The following MGAT5B variants were observed in gnomAD, a reference collection of about 807,000 sequenced individuals.
MGAT5B encodes N-acetylglucosaminyl-transferase Vb.
Under a neutral mutation model 95.1 loss-of-function variants are expected in MGAT5B, and 54 were observed. That is an observed-to-expected ratio of 0.57 (90% CI 0.46 to 0.71). The LOEUF (loss-of-function observed/expected upper bound fraction) is 0.71. Ranked by LOEUF, MGAT5B falls within the 30% of genes least tolerant of loss-of-function variation. MGAT5B has a pLI of 0.00. For missense variants in MGAT5B, 935 were observed against 1,088.6 expected (o/e 0.86, Z 1.99); for synonymous variants, 464 against 451.0 (o/e 1.03, Z -0.36).
intron 3 of MGAT5B, among the ~76,000 whole-genome samples, chr17:76,892,267 C>T (rs1394633248): frequency 2.0e-5 from 3 of 152,188 alleles, no homozygotes; most frequent in Non-Finnish European, 2.9e-5. Flanking sequence ...AGGCTGGTCT[C>T]GAACACCTGA....
rs1344768693 is a variant in MGAT5B at position 76,912,371 on chromosome 17, T to C, written c.1025+6184T>C. Among the ~76,000 whole-genome samples the C allele has an allele frequency of 1.3e-5, 2 of 152,182 alleles. No individual in the cohort carries two copies. The highest frequency in any genetic ancestry group is 2.9e-5 in the Non-Finnish European group (2 of 68,014). ...CACCTCTCAGCCCTGGGAGCCGTTC[T>C]GTGGGAGCAGCACCAGGTTAATTTG... On this transcript the variant is annotated intron_variant, in intron 8 of 17. Coordinates refer to ENST00000569840, the MANE Select transcript of MGAT5B (RefSeq NM_001199172.2). This position sits in a 1 kb window ranked among gnomAD's most constrained non-coding sequence, Gnocchi z 5.0.
intron 6 of MGAT5B, 100 bp downstream of exon 6, chr17:76,904,522 C>T: frequency 7.4e-7 from 1 of 1,345,540 alleles, no homozygotes; most frequent in Non-Finnish European, 1.0e-6. Context: ...TGAGACTGAG[C>T]TGCTTGCCAG....
At chr17:76,887,035 G>A (rs566182716) in intron 3 of MGAT5B, among the ~76,000 whole-genome samples, 1 of 86,202 alleles carries the variant, frequency 1.2e-5, no homozygotes, top group South Asian at 4.9e-4. Context: ...CAGAGTGAGA[G>A]TCTGTCTCAC....
At chr17:76,926,521 C>G (rs1002441341) in intron 9 of MGAT5B, 76 bp from the exon 10 acceptor site, 22 of 1,454,740 alleles carry the variant, frequency 1.5e-5, no homozygotes, top group Non-Finnish European at 1.9e-6. Flanking sequence ...TGACAGTGCT[C>G]GTGGCTGGGG....
chr17:76,905,415 C>A lies in MGAT5B; in HGVS notation c.855+82C>A. On this transcript the variant is annotated intron_variant, in intron 7 of 17. Transcript: ENST00000569840. The surrounding 1 kb of genome is among the most constrained non-coding windows in gnomAD (Gnocchi z 4.2). ...TCTGAGTGGGCATGGAATAGGTCTTCAAACAAGCTGTAGTGGGCTTCTGAA... is the reference window on the plus strand; with the variant it reads ...TCTGAGTGGGCATGGAATAGGTCTTAAAACAAGCTGTAGTGGGCTTCTGAA... 1 of 1,255,486 alleles carries A rather than the reference C, an allele frequency of 8.0e-7. No individual in the cohort carries two copies. 77.8% of individuals were successfully genotyped at this position (1,255,486 alleles called of 1,614,324 possible).
chr17:76,904,154 T>C (rs1436190540), intron 5 of MGAT5B, 98 bp from the exon 6 acceptor site: 1 of 1,271,466 alleles, frequency 7.9e-7, no homozygotes, highest in African/African-American at 1.5e-5. Context: ...ATGGGCCCCA[T>C]CCTTGACCTC....
rs558501461 is a variant in MGAT5B at position 76,917,417 on chromosome 17, C to T, written c.1026-7549C>T. Among the ~76,000 whole-genome samples the T allele has an allele frequency of 9.2e-5, 14 of 151,832 alleles. No homozygotes were observed. In the East Asian group the frequency reaches 1.7e-3, roughly 19 times the overall value. On this transcript the variant is annotated intron_variant, in intron 8 of 17. Coordinates refer to ENST00000569840, the MANE Select transcript of MGAT5B (RefSeq NM_001199172.2). This position sits in a 1 kb window ranked among gnomAD's most constrained non-coding sequence, Gnocchi z 6.1. ...CACTTTGAAGGATCAGCAGTTTGAC[C>T]GTGGGCTGAGTCACTTGTCATAAGT...
chr17:76,925,240 CCCCT>C (rs1969270100), intron 9 of MGAT5B, 143 bp downstream of exon 9: 1 of 18,574 alleles, frequency 5.4e-5, no homozygotes, highest in Non-Finnish European at 9.8e-5. Flanking sequence ...CCTCCGCCCT[CCCCT>C]CCCCTCCCCT....
At position 76,940,546 on chromosome 17, in the gene MGAT5B, G is replaced by A; in HGVS notation, c.1729G>A (p.Glu577Lys). The change falls in exon 14 of 18, where the codon GAG (glutamate) becomes AAG (lysine). Residue 577 changes from glutamate (E) to lysine (K), a missense_variant and splice_region_variant. Physicochemically the swap from Glu to Lys is moderately conservative, Grantham distance 56. This residue lies in a region of MGAT5B where 440 missense variants were observed against 523.6 expected (regional missense o/e 0.84). Coordinates refer to ENST00000569840, the MANE Select transcript of MGAT5B (RefSeq NM_001199172.2). This position sits in a 1 kb window ranked among gnomAD's most constrained non-coding sequence, Gnocchi z 4.3. ...EFFRGKPTSR[E>K]VFSQHPYAEN... ...CTTCCGAGGCAAGCCCACCTCCAGA[G>A]AGGTGAGTGGAAAGCATCCTGGTCC... The A allele has an allele frequency of 1.2e-6, 2 of 1,607,756 alleles. No homozygotes were observed.
chr17:76,869,299 G>T lies in MGAT5B; in HGVS notation c.68+202G>T, dbSNP rs991547875. 6.6e-6 allele frequency among the ~76,000 whole-genome samples: 1 copy of T among 152,012 alleles called. No homozygotes were observed. The highest frequency in any genetic ancestry group is 1.5e-5 in the Non-Finnish European group (1 of 67,976). On this transcript the variant is annotated intron_variant, in intron 1 of 17. Coordinates refer to ENST00000569840, the MANE Select transcript of MGAT5B (RefSeq NM_001199172.2). The surrounding 1 kb of genome is among the most constrained non-coding windows in gnomAD (Gnocchi z 7.0). Reference sequence around the variant, plus strand: ...GGATGGGGAGGGTTGTGTTATTCGGGGACCTGTCCCGAGTTGGGCAGGGTT... The same window carrying T: ...GGATGGGGAGGGTTGTGTTATTCGGTGACCTGTCCCGAGTTGGGCAGGGTT...
intron 3 of MGAT5B, among the ~76,000 whole-genome samples, chr17:76,891,391 G>A (rs1967863382): frequency 6.6e-6 from 1 of 151,324 alleles, no homozygotes; most frequent in South Asian, 2.1e-4. Flanking sequence ...TTTCTTTTTT[G>A]TTTCTGGAGA....
chr17:76,904,530 C>A, intron 6 of MGAT5B, 108 bp downstream of exon 6: 1 of 1,300,384 alleles, frequency 7.7e-7, no homozygotes, highest in Non-Finnish European at 1.0e-6. Flanking sequence ...AGCTGCTTGC[C>A]AGGTGTGTGG....
Position 76,905,282 on chromosome 17 carries a change from T to G in MGAT5B, c.804T>G (p.Ala268=), listed in dbSNP as rs1333836358. The change falls in exon 7 of 18, where the codon GCT becomes GCG. Residue 268 remains alanine (A), a synonymous_variant. Coordinates refer to ENST00000569840, the MANE Select transcript of MGAT5B (RefSeq NM_001199172.2). The surrounding 1 kb of genome is among the most constrained non-coding windows in gnomAD (Gnocchi z 4.2). ...TKRLTAQWAL[A]AQRLAQKLGA... is the part of the protein sequence containing the mutation. ...GGCTCACAGCCCAGTGGGCGCTGGCTGCCCAGCGCCTGGCACAGAAGCTGG... is the reference window on the plus strand; with the variant it reads ...GGCTCACAGCCCAGTGGGCGCTGGCGGCCCAGCGCCTGGCACAGAAGCTGG... 1 of 1,609,946 alleles carries G rather than the reference T, an allele frequency of 6.2e-7. No individual in the cohort carries two copies. The highest frequency in any genetic ancestry group is 1.3e-5 in the African/African-American group (1 of 74,990).
intron 8 of MGAT5B, among the ~76,000 whole-genome samples, chr17:76,921,782 T>C (rs145327315): frequency 1.4e-3 from 214 of 152,268 alleles, no homozygotes; most frequent in Middle Eastern, 6.8e-3. Context: ...AAGTTTCCAT[T>C]GTATAAAGAC....
chr17:76,899,498 G>T (rs1190747650), intron 3 of MGAT5B, among the ~76,000 whole-genome samples: 2 of 152,130 alleles, frequency 1.3e-5, no homozygotes, highest in Admixed American at 1.3e-4. Context: ...TTAGCCGGAC[G>T]TGGTGGCTCA....
In MGAT5B at chr17:76,925,081, T is replaced by C; in HGVS notation, c.1141T>C (p.Ser381Pro). 1 of 1,611,122 alleles carries C rather than the reference T, an allele frequency of 6.2e-7. No homozygotes were observed. The highest frequency in any genetic ancestry group is 2.2e-5 in the East Asian group (1 of 44,728). ...GCAGATGAAGCGGCACATGGGACTC[T>C]CCTTCAAGAAGTACCGGTGAGAGGG... ...LQQMKRHMGL[S>P]FKKYRCRIRV... is the part of the protein sequence containing the mutation. Residue 381 changes from serine to proline, a missense_variant, in exon 9 of 18, where the codon TCC (serine) becomes CCC (proline). Physicochemically the swap from Ser to Pro is moderately conservative, Grantham distance 74. Transcript: ENST00000569840.
chr17:76,916,639 A>T lies in MGAT5B; in HGVS notation c.1026-8327A>T, dbSNP rs1336358422. Among the ~76,000 whole-genome samples the T allele has an allele frequency of 6.6e-6, 1 of 151,972 alleles. No individual in the cohort carries two copies. Among genetic ancestry groups the T allele is most frequent in the African/African-American group, 2.4e-5 (1 of 41,368 alleles). On this transcript the variant is annotated intron_variant, in intron 8 of 17. Coordinates refer to ENST00000569840, the MANE Select transcript of MGAT5B (RefSeq NM_001199172.2). The surrounding 1 kb of genome is among the most constrained non-coding windows in gnomAD (Gnocchi z 5.3). ...GGAAACCTCATCTCTACAAGAAAAA[A>T]CTCAGAAAGAAATGAGGAGAAGGGC...
chr17:76,944,794 T>C (rs965845854), intron 15 of MGAT5B, among the ~76,000 whole-genome samples: 9 of 152,166 alleles, frequency 5.9e-5, no homozygotes, highest in Admixed American at 3.9e-4. Flanking sequence ...AGGACGAGTC[T>C]CCTAAGAAGT....
In MGAT5B at chr17:76,916,350, G is replaced by A. The variant is rs1043663833; in HGVS notation, c.1026-8616G>A. Reference sequence around the variant, plus strand: ...TGAACATTGACCAATAAGCAAGACCGATGGAGGCCGTGCCGTGTCGCCTTT... The same window carrying A: ...TGAACATTGACCAATAAGCAAGACCAATGGAGGCCGTGCCGTGTCGCCTTT... On this transcript the variant is annotated intron_variant, in intron 8 of 17. Transcript: ENST00000569840. This position sits in a 1 kb window ranked among gnomAD's most constrained non-coding sequence, Gnocchi z 5.3. Among the ~76,000 whole-genome samples, 27 of 152,264 alleles carry A rather than the reference G, an allele frequency of 1.8e-4. No homozygotes were observed. The highest frequency in any genetic ancestry group is 9.2e-4 in the Admixed American group (14 of 15,290).
Sources: gnomAD v4.1 joint callset for allele counts (sites outside exome capture counted in the v4.1 genomes callset) on GRCh38, gnomAD v4.1.1 for gene constraint, gnomAD v4.1.1 regional missense constraint, Gnocchi (gnomAD v3.1) non-coding constraint, MANE v1.5 for transcripts, NCBI Gene and HGNC (gene_info 2026-07-23, HGNC 2026-07-21) for gene names.